The following GAPVD1 variants were observed in gnomAD, a reference collection of about 807,000 sequenced individuals.
The protein encoded by GAPVD1 is GTPase activating protein and VPS9 domains 1, also known as GTPase-activating protein and VPS9 domain-containing protein 1.
Under a neutral mutation model 155.5 loss-of-function variants are expected in GAPVD1, and 35 were observed. The observed-to-expected ratio is 0.23, with a 90% confidence interval of 0.17 to 0.30. The LOEUF (loss-of-function observed/expected upper bound fraction) is 0.30. Ranked by LOEUF, GAPVD1 falls within the 10% of genes least tolerant of loss-of-function variation. GAPVD1 has a pLI of 1.00. For missense variants in GAPVD1, 1,429 were observed against 1,775.7 expected (o/e 0.80, Z 3.51); for synonymous variants, 636 against 619.7 (o/e 1.03, Z -0.39).
In GAPVD1 at chr9:125,332,564, A is replaced by G; in HGVS notation, c.2363A>G (p.Glu788Gly). 2.5e-6 allele frequency: 4 copies of G among 1,604,894 alleles called. No homozygotes were observed. The highest frequency in any genetic ancestry group is 3.4e-6 in the Non-Finnish European group (4 of 1,172,280). ...IPNKIEDLRS[E>G]CSSDFGGKDS... Reference sequence around the variant, plus strand: ...AATAAGATTGAAGACCTGAGATCTGAGTGCAGCTCTGATTTTGGGGGTAAA... The same window carrying G: ...AATAAGATTGAAGACCTGAGATCTGGGTGCAGCTCTGATTTTGGGGGTAAA... The change falls in exon 15 of 28, where the codon GAG becomes GGG. Residue 788 changes from glutamate to glycine, a missense_variant. Physicochemically the swap from Glu to Gly is moderately conservative, Grantham distance 98. Coordinates refer to ENST00000297933, the MANE Select transcript of GAPVD1 (RefSeq NM_001282680.3).
In GAPVD1 at chr9:125,268,204, C is replaced by T. The variant is rs571356898; in HGVS notation, c.-198-732C>T. On this transcript the variant is annotated intron_variant, in intron 1 of 27. Transcript: ENST00000297933. Reference sequence around the variant, plus strand: ...ACAAACAAACAAACAACCCCCCCCCCCAAAAAAAAACCAAGAACTTTATTC... The same window carrying T: ...ACAAACAAACAAACAACCCCCCCCCTCAAAAAAAAACCAAGAACTTTATTC... 2.2e-4 allele frequency among the ~76,000 whole-genome samples: 32 copies of T among 146,580 alleles called. 1 individual carries two copies. In the East Asian group the frequency reaches 5.9e-3, roughly 27 times the overall value.
chr9:125,353,269 T>C (rs768157489), intron 23 of GAPVD1, among the ~76,000 whole-genome samples: 1 of 152,234 alleles, frequency 6.6e-6, no homozygotes, highest in Non-Finnish European at 1.5e-5. Flanking sequence ...GTGTCTTTGC[T>C]AAAACATAAC....
At chr9:125,352,369 C>G (rs1849427367) in intron 23 of GAPVD1, among the ~76,000 whole-genome samples, 2 of 152,244 alleles carry the variant, frequency 1.3e-5, no homozygotes, top group Non-Finnish European at 2.9e-5. Flanking sequence ...CTTTTGAAAT[C>G]TAGGTGGAGG....
At chr9:125,295,278 T>C (rs1435677167) in intron 2 of GAPVD1, among the ~76,000 whole-genome samples, 180 bp from the exon 3 acceptor site, 1 of 152,110 alleles carries the variant, frequency 6.6e-6, no homozygotes, top group Admixed American at 6.6e-5. Flanking sequence ...GTCTTCAGTA[T>C]TGTAAAAATT....
intron 12 of GAPVD1, among the ~76,000 whole-genome samples, chr9:125,327,932 C>T (rs889278857): frequency 6.6e-6 from 1 of 152,158 alleles, no homozygotes; most frequent in African/African-American, 2.4e-5. Flanking sequence ...ATCCACTACC[C>T]TCTTCTCTCC....
Position 125,337,080 on chromosome 9 carries a change from C to T in GAPVD1, c.2491C>T (p.Leu831=). 1 of 1,612,320 alleles carries T rather than the reference C, an allele frequency of 6.2e-7. No homozygotes were observed. Among genetic ancestry groups the T allele is most frequent in the Non-Finnish European group, 8.5e-7 (1 of 1,178,320 alleles). The change falls in exon 16 of 28, where the codon CTG becomes TTG. Residue 831 remains leucine, a synonymous_variant. Transcript: ENST00000297933. The part of the protein sequence containing the change: ...SESLLAMFDP[L]SSHEGASAVV... ...GTCTCTGCTGGCCATGTTTGATCCACTGTCTTCACATGAAGGTAAACCAGT... is the reference window on the plus strand; with the variant it reads ...GTCTCTGCTGGCCATGTTTGATCCATTGTCTTCACATGAAGGTAAACCAGT...
At chr9:125,266,578 G>T (rs1443832538) in intron 1 of GAPVD1, among the ~76,000 whole-genome samples, 1 of 152,086 alleles carries the variant, frequency 6.6e-6, no homozygotes, top group Non-Finnish European at 1.5e-5. Flanking sequence ...CTCCCAAAGT[G>T]CTGGGATTAC....
chr9:125,325,962 G>C (rs1845110591), intron 11 of GAPVD1, among the ~76,000 whole-genome samples: 1 of 152,150 alleles, frequency 6.6e-6, no homozygotes, highest in Non-Finnish European at 1.5e-5. Context: ...TCACATCCAG[G>C]ACATGAATCA....
chr9:125,320,422 A>G (rs1844149703), intron 9 of GAPVD1, among the ~76,000 whole-genome samples: 2 of 152,156 alleles, frequency 1.3e-5, no homozygotes. Context: ...GTGAAGTCAT[A>G]CTTTAGTTTC....
intron 2 of GAPVD1, among the ~76,000 whole-genome samples, chr9:125,277,347 G>A (rs966576134): frequency 6.6e-6 from 1 of 152,082 alleles, no homozygotes; most frequent in African/African-American, 2.4e-5. Context: ...ACCCAAATGA[G>A]GAAATATCTG....
At chr9:125,314,103 T>C (rs1843042939) in intron 9 of GAPVD1, among the ~76,000 whole-genome samples, 1 of 152,134 alleles carries the variant, frequency 6.6e-6, no homozygotes, top group East Asian at 1.9e-4. Context: ...GGTATGGAAA[T>C]TAAAGAGACT....
intron 9 of GAPVD1, among the ~76,000 whole-genome samples, chr9:125,314,972 A>G (rs1843191185): frequency 6.6e-6 from 1 of 151,932 alleles, no homozygotes; most frequent in South Asian, 2.1e-4. Flanking sequence ...TATTTTTAGT[A>G]GAGACAGGGT....
In GAPVD1 at chr9:125,366,080, T is replaced by C. The variant is rs1589165400; in HGVS notation, c.*3334T>C. The C allele has an allele frequency of 6.6e-6, 1 of 152,244 alleles. No homozygotes were observed. The highest frequency in any genetic ancestry group is 1.5e-5 in the Non-Finnish European group (1 of 68,038). The allele number at this position is 152,244 out of a possible 1,614,324, so 9.4% of individuals were successfully genotyped here. On this transcript the variant is annotated 3_prime_UTR_variant, in exon 28 of 28. Coordinates refer to ENST00000297933, the MANE Select transcript of GAPVD1 (RefSeq NM_001282680.3). Reference sequence around the variant, plus strand: ...GCTTATGAAGGCCTTCTGATACAGATAGTTAAATCGCTGTAGTAGGAGGCT... The same window carrying C: ...GCTTATGAAGGCCTTCTGATACAGACAGTTAAATCGCTGTAGTAGGAGGCT...
intron 11 of GAPVD1, among the ~76,000 whole-genome samples, chr9:125,324,726 G>A (rs866571062): frequency 6.6e-6 from 1 of 152,156 alleles, no homozygotes; most frequent in African/African-American, 2.4e-5. Flanking sequence ...GAGGTGGGAA[G>A]CCATAGTACT....
At chr9:125,345,213 C>T (rs186252887) in intron 19 of GAPVD1, among the ~76,000 whole-genome samples, 2 of 150,738 alleles carry the variant, frequency 1.3e-5, no homozygotes, top group East Asian at 3.9e-4. Flanking sequence ...CAGTATCTTG[C>T]CCTGCTGCCC....
intron 2 of GAPVD1, among the ~76,000 whole-genome samples, chr9:125,286,155 C>G: frequency 6.7e-6 from 1 of 149,248 alleles, no homozygotes; most frequent in South Asian, 2.1e-4. Context: ...GCTCTGTCAC[C>G]CAGGCTGGAG....
chr9:125,281,142 A>T (rs1486553462), intron 2 of GAPVD1, among the ~76,000 whole-genome samples: 2 of 152,170 alleles, frequency 1.3e-5, no homozygotes, highest in Non-Finnish European at 2.9e-5. Context: ...GGGTTCTGGA[A>T]TGTCATATGG....
At chr9:125,348,033 G>GTATATATA (rs150785788) in intron 20 of GAPVD1, among the ~76,000 whole-genome samples, 30 of 152,026 alleles carry the variant, frequency 2.0e-4, no homozygotes, top group African/African-American at 6.5e-4. Flanking sequence ...GTGTGTGTGT[G>GTATATATA]TATATATATA....
In GAPVD1 at chr9:125,302,818, C is replaced by A. The variant is rs138640842; in HGVS notation, c.1021C>A (p.Leu341Met). 1.3e-6 allele frequency: 2 copies of A among 1,596,176 alleles called. No individual in the cohort carries two copies. Among genetic ancestry groups the A allele is most frequent in the Admixed American group, 1.7e-5 (1 of 57,282 alleles). The change falls in exon 5 of 28, where the codon CTG becomes ATG. Residue 341 changes from leucine to methionine, a missense_variant. Around this residue, in one of 4 missense-constraint regions of GAPVD1, gnomAD observed 628 missense variants for 733.4 expected, o/e 0.86. Coordinates refer to ENST00000297933, the MANE Select transcript of GAPVD1 (RefSeq NM_001282680.3). ...APINEVARFN[L>M]MQVGRLLQQL... ...TATTAATGAAGTAGCACGATTTAAT[C>A]TGATGCAGGTATGCTTTTGCTATTA... is the stretch of plus-strand genomic sequence containing the variant.
Sources: gnomAD v4.1 joint callset for allele counts (sites outside exome capture counted in the v4.1 genomes callset) on GRCh38, gnomAD v4.1.1 for gene constraint, gnomAD v4.1.1 regional missense constraint, MANE v1.5 for transcripts, NCBI Gene and HGNC (gene_info 2026-07-23, HGNC 2026-07-21) for gene names.